Variants in RIMS1 observed in about 807,000 individuals in gnomAD.
The protein encoded by RIMS1 is regulating synaptic membrane exocytosis protein 1.
In RIMS1, 83 loss-of-function variants were observed where a neutral mutation model predicts 214.1. The ratio of observed to expected loss-of-function variants is 0.39; its 90% CI spans 0.32 to 0.47. RIMS1 has a LOEUF of 0.47. Ranked by LOEUF, RIMS1 falls within the 20% of genes least tolerant of loss-of-function variation. The probability of loss-of-function intolerance (pLI) is 0.99; values close to 1 mark genes in which losing one functional copy is unlikely to be tolerated. For missense variants in RIMS1, 2,050 were observed against 2,161.8 expected, an observed-to-expected ratio of 0.95 and a Z score of 1.03; for synonymous variants, 793 against 786.8, an observed-to-expected ratio of 1.01 and a Z score of -0.13.
At position 72,290,649 on chromosome 6, in the gene RIMS1, T is replaced by G. The variant is rs746354578; in HGVS notation, c.3555-30T>G. On this transcript the variant is annotated intron_variant, in intron 24 of 33. Transcript: ENST00000521978. ...TCAAAGTTAATGTGAACCTGCTGACTGAAGATCTTTTTTGGCCCTAATGTT... is the reference window on the plus strand; with the variant it reads ...TCAAAGTTAATGTGAACCTGCTGACGGAAGATCTTTTTTGGCCCTAATGTT... 10 of 1,598,744 alleles carry G rather than the reference T, an allele frequency of 6.3e-6. No homozygotes were observed. In the East Asian group the frequency reaches 2.0e-4, roughly 32 times the overall value.
At chr6:72,327,008 A>G (rs1019972280) in intron 28 of RIMS1, among the ~76,000 whole-genome samples, 3 of 151,754 alleles carry the variant, frequency 2.0e-5, no homozygotes, top group African/African-American at 7.2e-5. Context: ...GGCAGCCTAC[A>G]TAAACTAGAA....
chr6:72,278,152 AATCT>A (rs561604409), intron 23 of RIMS1, among the ~76,000 whole-genome samples: 6,439 of 128,278 alleles, frequency 0.05, 204 homozygotes, highest in African/African-American at 0.065. Flanking sequence ...AATGGTTTTT[AATCT>A]ATCTATCTAT....
At chr6:72,350,270 T>G (rs1377760373) in intron 29 of RIMS1, among the ~76,000 whole-genome samples, 1 of 152,150 alleles carries the variant, frequency 6.6e-6, no homozygotes, top group Non-Finnish European at 1.5e-5. Context: ...TAAAGCATAT[T>G]TTTTCCAGAG....
In RIMS1 at chr6:72,149,326, T is replaced by C. The variant is rs973763476; in HGVS notation, c.472-30249T>C. ...CATGAAAGAAAGAAAAAAAGTACCA[T>C]TGAAAAGTCTGGGCATCTTGGCTAA... On this transcript the variant is annotated intron_variant, in intron 4 of 33. Coordinates refer to ENST00000521978, the MANE Select transcript of RIMS1 (RefSeq NM_014989.7). Among the ~76,000 whole-genome samples the C allele has an allele frequency of 7.2e-5, 11 of 152,254 alleles. 1 individual carries two copies. Among genetic ancestry groups the C allele is most frequent in the Admixed American group, 5.9e-4 (9 of 15,292 alleles).
intron 1 of RIMS1, among the ~76,000 whole-genome samples, chr6:71,945,597 G>T (rs779886506): frequency 3.9e-5 from 6 of 152,132 alleles, no homozygotes; most frequent in Admixed American, 2.6e-4. Context: ...TTTTTCCTAA[G>T]ATCAGAAACA....
intron 4 of RIMS1, among the ~76,000 whole-genome samples, chr6:72,132,762 T>C (rs905961975): frequency 6.6e-6 from 1 of 152,224 alleles, no homozygotes. Context: ...AAACATCTTA[T>C]ACTATCATAT....
chr6:71,972,409 A>G (rs1205380209), intron 2 of RIMS1, among the ~76,000 whole-genome samples: 1 of 152,210 alleles, frequency 6.6e-6, no homozygotes, highest in Non-Finnish European at 1.5e-5. Flanking sequence ...AGGGAAAAAG[A>G]AAAAGAGTAG....
intron 29 of RIMS1, chr6:72,366,930 T>C: frequency 1.1e-6 from 1 of 920,560 alleles, no homozygotes; most frequent in Non-Finnish European, 1.3e-6. Flanking sequence ...TTTATAACTT[T>C]TCATAAAACC....
chr6:72,325,066 C>T (rs188741775), intron 28 of RIMS1, among the ~76,000 whole-genome samples: 1 of 151,818 alleles, frequency 6.6e-6, no homozygotes, highest in Non-Finnish European at 1.5e-5. Flanking sequence ...CAAGAAATAT[C>T]CTGACCCAGG....
At chr6:72,018,460 C>T (rs946685286) in intron 2 of RIMS1, among the ~76,000 whole-genome samples, 1 of 151,972 alleles carries the variant, frequency 6.6e-6, no homozygotes, top group African/African-American at 2.4e-5. Flanking sequence ...CACGATAAAT[C>T]TGAGGTGCCT....
intron 6 of RIMS1, among the ~76,000 whole-genome samples, chr6:72,195,352 T>G (rs1187557397): frequency 6.6e-6 from 1 of 152,174 alleles, no homozygotes; most frequent in Non-Finnish European, 1.5e-5. Flanking sequence ...TTTATAGCTG[T>G]TACTGCTAGG....
At chr6:72,000,720 C>T (rs958313882) in intron 2 of RIMS1, among the ~76,000 whole-genome samples, 2 of 152,160 alleles carry the variant, frequency 1.3e-5, no homozygotes, top group African/African-American at 4.8e-5. Context: ...TTTCCAGTTA[C>T]CAACTCTGTT....
rs117300959 is a variant in RIMS1 at position 72,335,023 on chromosome 6, T to G, written c.4366+1188T>G. ...TTTGTGTTGTTTCTTTTGTTTAAAT[T>G]TTTTATGGTGGTGCTTCCTGGTTTT... On this transcript the variant is annotated intron_variant, in intron 29 of 33. Coordinates refer to ENST00000521978, the MANE Select transcript of RIMS1 (RefSeq NM_014989.7). Among the ~76,000 whole-genome samples, 11 of 152,000 alleles carry G rather than the reference T, an allele frequency of 7.2e-5. No individual in the cohort carries two copies. In the East Asian group the frequency reaches 2.1e-3, roughly 30 times the overall value.
At chr6:72,259,158 T>C (rs778434673) in intron 18 of RIMS1, 47 bp downstream of exon 18, 3 of 1,540,284 alleles carry the variant, frequency 1.9e-6, no homozygotes, top group East Asian at 4.5e-5. Context: ...TTTTGTTCTG[T>C]TTTAATATAT....
intron 2 of RIMS1, among the ~76,000 whole-genome samples, chr6:72,001,828 T>C (rs1042599612): frequency 1.3e-5 from 2 of 152,142 alleles, no homozygotes; most frequent in African/African-American, 4.8e-5. Context: ...CTGTGATATT[T>C]TGGATAGTAG....
intron 6 of RIMS1, among the ~76,000 whole-genome samples, chr6:72,194,341 C>T (rs1321884435): frequency 6.6e-6 from 1 of 152,040 alleles, no homozygotes; most frequent in East Asian, 1.9e-4. Context: ...ATAAGTTAAA[C>T]ATTTAACACA....
chr6:72,334,715 G>A (rs1409324083), intron 29 of RIMS1, among the ~76,000 whole-genome samples: 1 of 151,766 alleles, frequency 6.6e-6, no homozygotes, highest in African/African-American at 2.4e-5. Flanking sequence ...ATACCAAAAA[G>A]CTTTCACAAA....
rs2076646164 is a variant in RIMS1 at position 72,258,181 on chromosome 6, C to G, written c.2827C>G (p.Gln943Glu). Residue 943 changes from glutamine (Q) to glutamate (E), a missense_variant, in exon 17 of 34, where the codon CAG (glutamine) becomes GAG (glutamate). This residue lies in a region of RIMS1 where 889 missense variants were observed against 885.5 expected (regional missense o/e 1.00). Transcript: ENST00000521978. ...ATCTACAACATTAACTGTGCCAGAA[C>G]AGCAAAGAACAACTCATCACCGCTC... ...SKSTTLTVPE[Q>E]QRTTHHRSRS... The G allele has an allele frequency of 9.9e-6, 16 of 1,613,122 alleles. No individual in the cohort carries two copies. The highest frequency in any genetic ancestry group is 1.4e-5 in the Non-Finnish European group (16 of 1,179,518).
chr6:72,355,763 T>G (rs1443972012), intron 29 of RIMS1, among the ~76,000 whole-genome samples: 1 of 152,168 alleles, frequency 6.6e-6, no homozygotes, highest in East Asian at 1.9e-4. Flanking sequence ...GAGCTCCCTA[T>G]GAAGTCTTCT....
Sources: gnomAD v4.1 joint callset for allele counts (sites outside exome capture counted in the v4.1 genomes callset) on GRCh38, gnomAD v4.1.1 for gene constraint, gnomAD v4.1.1 regional missense constraint, MANE v1.5 for transcripts, NCBI Gene and HGNC (gene_info 2026-07-23, HGNC 2026-07-21) for gene names.